Variants in PBRM1 observed in about 807,000 individuals in gnomAD.
The protein encoded by PBRM1 is polybromo 1.
Under a neutral mutation model 194.5 loss-of-function variants are expected in PBRM1, and 27 were observed. That is an observed-to-expected ratio of 0.14 (90% CI 0.10 to 0.19). The LOEUF (loss-of-function observed/expected upper bound fraction) is 0.19, where lower values mean the gene tolerates loss of function less well. Among genes scored for constraint, PBRM1 ranks in the 10% least tolerant of loss-of-function variants. The pLI, the probability that PBRM1 is intolerant of heterozygous loss-of-function variation, is 1.00. For missense variants in PBRM1, 1,466 were observed against 2,077.2 expected, an observed-to-expected ratio of 0.71 and a Z score of 5.72; for synonymous variants, 655 against 693.2, an observed-to-expected ratio of 0.94 and a Z score of 0.87.
intron 25 of PBRM1, among the ~76,000 whole-genome samples, chr3:52,561,412 C>A (rs181786256): frequency 2.0e-5 from 3 of 152,172 alleles, no homozygotes; most frequent in Admixed American, 2.0e-4. Context: ...CCTTTTCAGA[C>A]GAATTTTAAT....
At chr3:52,675,770 GCA>G (rs914808793) in intron 2 of PBRM1, among the ~76,000 whole-genome samples, 9 of 152,144 alleles carry the variant, frequency 5.9e-5, no homozygotes, top group African/African-American at 1.9e-4. Flanking sequence ...AATGAGAAAA[GCA>G]CAGTCTTTTC....
intron 2 of PBRM1, among the ~76,000 whole-genome samples, chr3:52,671,449 T>C (rs1267526245): frequency 6.6e-6 from 1 of 152,196 alleles, no homozygotes; most frequent in African/African-American, 2.4e-5. Context: ...AAAAGTTGTT[T>C]TGTATACTTC....
chr3:52,632,268 AT>A (rs938947961), intron 11 of PBRM1, among the ~76,000 whole-genome samples: 8 of 151,996 alleles, frequency 5.3e-5, no homozygotes, highest in East Asian at 1.9e-4. Context: ...GACATTATGG[AT>A]TTTTTTTAGC....
intron 5 of PBRM1, among the ~76,000 whole-genome samples, chr3:52,657,998 G>C (rs2096641056): frequency 1.3e-5 from 2 of 150,942 alleles, no homozygotes; most frequent in African/African-American, 4.9e-5. Flanking sequence ...TCTCCATGTT[G>C]ATCGGGATGG....
At chr3:52,625,900 GT>G (rs1352548396) in intron 13 of PBRM1, among the ~76,000 whole-genome samples, 1 of 152,022 alleles carries the variant, frequency 6.6e-6, no homozygotes, top group Non-Finnish European at 1.5e-5. Context: ...TTATTTGAGT[GT>G]CCCACAGACT....
chr3:52,623,749 T>C (rs1378232128), intron 13 of PBRM1, among the ~76,000 whole-genome samples: 2 of 152,192 alleles, frequency 1.3e-5, no homozygotes, highest in African/African-American at 2.4e-5. Context: ...AAAGTTGAAA[T>C]GAGGCTTAGA....
chr3:52,548,979 C>T lies in PBRM1; in HGVS notation c.4898-744G>A, dbSNP rs915251702. On this transcript the variant is annotated intron_variant, in intron 29 of 29. Transcript: ENST00000296302. ...TGTTGAACTAAATGAATAGCCTAATCGGTTTCTAATATTTTTTTCCTTTTG... is the reference window on the plus strand; with the variant it reads ...TGTTGAACTAAATGAATAGCCTAATTGGTTTCTAATATTTTTTTCCTTTTG... Among the ~76,000 whole-genome samples, 8 of 151,146 alleles carry T rather than the reference C, an allele frequency of 5.3e-5. No individual in the cohort carries two copies. In the East Asian group the frequency reaches 5.8e-4, roughly 11 times the overall value.
intron 13 of PBRM1, 81 bp downstream of exon 14, chr3:52,627,191 TA>T: frequency 1.3e-6 from 1 of 741,690 alleles, no homozygotes; most frequent in Non-Finnish European, 2.3e-6. Context: ...CTTGATAGCT[TA>T]AAAAATATAT....
intron 6 of PBRM1, 79 bp downstream of exon 7, chr3:52,651,663 G>C (rs1342751882): frequency 5.4e-6 from 4 of 740,224 alleles, no homozygotes; most frequent in Admixed American, 2.7e-5. Context: ...TAGCTTCTCT[G>C]TTTTCTAAAA....
At chr3:52,587,832 T>C (rs932342416) in intron 18 of PBRM1, among the ~76,000 whole-genome samples, 1 of 151,890 alleles carries the variant, frequency 6.6e-6, no homozygotes, top group Non-Finnish European at 1.5e-5. Flanking sequence ...ACAGGAGAAA[T>C]AATACTCAAA....
At position 52,610,282 on chromosome 3, in the gene PBRM1, C is replaced by T. The variant is rs771113413; in HGVS notation, c.1925-327G>A. On this transcript the variant is annotated intron_variant, in intron 15 of 29. Transcript: ENST00000296302. ...TTCATCATGGGATAAAAAGAGATAA[C>T]GGATGTTAAAACGTAGGACATTAAT... 9.2e-5 allele frequency among the ~76,000 whole-genome samples: 14 copies of T among 152,220 alleles called. No homozygotes were observed. The South Asian group carries it at 2.1e-3, about 23-fold the overall frequency.
At chr3:52,571,854 CCCA>C (rs1559965498) in intron 22 of PBRM1, among the ~76,000 whole-genome samples, 13 of 36,664 alleles carry the variant, frequency 3.5e-4, no homozygotes, top group African/African-American at 1.0e-3. Flanking sequence ...ACCTCATCTC[CCCA>C]AAAAAAAAAA....
intron 20 of PBRM1, among the ~76,000 whole-genome samples, chr3:52,584,450 CTTTTTTTTTTT>C (rs397989611): frequency 6.6e-5 from 4 of 60,750 alleles, no homozygotes; most frequent in East Asian, 1.1e-3. Flanking sequence ...AGTATTCTTG[CTTTTTTTTTTT>C]TTTTTTTTTT....
exon 29 of PBRM1, chr3:52,550,427 G>A (rs765315890): frequency 2.8e-6 from 4 of 1,448,302 alleles, no homozygotes; most frequent in Non-Finnish European, 3.7e-6. Flanking sequence ...TTACCTGCCA[G>A]TGTCTGATCC....
At chr3:52,679,800 A>G, upstream of PBRM1, 2 of 1,147,548 alleles carry the variant, frequency 1.7e-6, no homozygotes, top group South Asian at 3.1e-5. Flanking sequence ...GACACCTGCT[A>G]CCAAACTCCT....
chr3:52,647,989 A>C (rs1403875083), intron 7 of PBRM1, among the ~76,000 whole-genome samples: 2 of 151,548 alleles, frequency 1.3e-5, no homozygotes, highest in African/African-American at 4.9e-5. Context: ...GCTCACTGCA[A>C]CCTCTGCCTC....
intron 22 of PBRM1, among the ~76,000 whole-genome samples, chr3:52,570,469 T>C (rs760079417): frequency 2.0e-5 from 3 of 152,206 alleles, no homozygotes; most frequent in Non-Finnish European, 4.4e-5. Context: ...AAGGGATAAT[T>C]ACAATTTTCC....
rs765139573 is a variant in PBRM1, at chr3:52,679,637, A to G, written c.75T>C (p.Ser25=). The stretch of plus-strand genomic sequence containing the variant: ...TCCTGCTTGGGCCTGGTGTTGACAC[A>G]GAATGGTGCCCATCATCAAAGTCCC... Residue 25 remains serine (S), a synonymous_variant, in exon 1 of 30, where the codon TCT becomes TCC. Transcript: ENST00000296302. 2.5e-6 allele frequency: 4 copies of G among 1,614,126 alleles called. No homozygotes were observed. In the Admixed American group the frequency reaches 6.7e-5, roughly 27 times the overall value.
At chr3:52,641,371 C>T (rs1282607039) in intron 10 of PBRM1, among the ~76,000 whole-genome samples, 2 of 145,350 alleles carry the variant, frequency 1.4e-5, no homozygotes, top group African/African-American at 2.5e-5. Flanking sequence ...CACTTGAACC[C>T]GGCAGGCGGA....
Sources: gnomAD v4.1 joint callset for allele counts (sites outside exome capture counted in the v4.1 genomes callset) on GRCh38, gnomAD v4.1.1 for gene constraint, MANE v1.5 for transcripts, NCBI Gene and HGNC (gene_info 2026-07-23, HGNC 2026-07-21) for gene names.